The following CASP9 variants were observed in gnomAD, a reference collection of about 807,000 sequenced individuals.
The protein encoded by CASP9 is caspase 9.
Under a neutral mutation model 43.5 loss-of-function variants are expected in CASP9, and 29 were observed. That is an observed-to-expected ratio of 0.67 (90% CI 0.50 to 0.91). The LOEUF (loss-of-function observed/expected upper bound fraction) is 0.91, where lower values mean the gene tolerates loss of function less well. Ranked by LOEUF, CASP9 falls within the 40% of genes least tolerant of loss-of-function variation. The pLI, the probability that CASP9 is intolerant of heterozygous loss-of-function variation, is 0.00. For synonymous variants in CASP9, 206 were observed against 211.9 expected (o/e 0.97, Z 0.24); for missense variants, 575 against 537.4 (o/e 1.07, Z -0.69).
In CASP9 at chr1:15,506,942, G is replaced by A. The variant is rs138984138; in HGVS notation, c.587C>T (p.Ser196Leu). ...DCEKLRRRFS[S>L]LHFMVEVKGD... Reference sequence around the variant, plus strand: ...CTTCACCTCCACCATGAAATGCAGCGAGGAGAAGCGACGCCGCAACTTCTC... The same window carrying A: ...CTTCACCTCCACCATGAAATGCAGCAAGGAGAAGCGACGCCGCAACTTCTC... The change falls in exon 4 of 9, where the codon TCG becomes TTG. Residue 196 changes from serine (S) to leucine (L), a missense_variant. Coordinates refer to ENST00000333868, the MANE Select transcript of CASP9 (RefSeq NM_001229.5). The A allele has an allele frequency of 8.1e-6, 13 of 1,614,090 alleles. No homozygotes were observed. The highest frequency in any genetic ancestry group is 2.7e-5 in the African/African-American group (2 of 75,036).
intron 2 of CASP9, among the ~76,000 whole-genome samples, chr1:15,513,212 G>A (rs1709829738): frequency 6.6e-6 from 1 of 150,692 alleles, no homozygotes; most frequent in South Asian, 2.1e-4. Context: ...CTGTGTATAT[G>A]TGCCATTAAT....
chr1:15,493,685 CTT>C, intron 8 of CASP9: 1 of 1,456,938 alleles, frequency 6.9e-7, no homozygotes, highest in Non-Finnish European at 9.0e-7. Context: ...GAAGGCAACT[CTT>C]TGAATAAAGG....
chr1:15,517,134 T>C (rs1709981589), intron 2 of CASP9, among the ~76,000 whole-genome samples: 1 of 152,024 alleles, frequency 6.6e-6, no homozygotes, highest in African/African-American at 2.4e-5. Flanking sequence ...GTGCTAGAGC[T>C]CCACACGCTG....
chr1:15,507,841 G>A (rs373752317), intron 3 of CASP9, 32 bp downstream of exon 3: 33 of 1,611,372 alleles, frequency 2.0e-5, no homozygotes, highest in Non-Finnish European at 2.5e-5. Context: ...CCCAGAGCCC[G>A]AGCTACTGGC....
chr1:15,497,574 C>A (rs551885237), intron 6 of CASP9, among the ~76,000 whole-genome samples: 344 of 150,664 alleles, frequency 2.3e-3, no homozygotes, highest in African/African-American at 7.9e-3. Flanking sequence ...ACCAGGGAGT[C>A]AGAGGTTGCA....
rs746732970 is a variant in CASP9 at position 15,492,976 on chromosome 1, G to A, written c.1218C>T (p.Phe406=). The A allele has an allele frequency of 6.8e-6, 11 of 1,613,916 alleles. No homozygotes were observed. The highest frequency in any genetic ancestry group is 4.2e-6 in the Non-Finnish European group (5 of 1,180,040). Residue 406 remains phenylalanine, a synonymous_variant, in exon 9 of 9, where the codon TTC becomes TTT. Coordinates refer to ENST00000333868, the MANE Select transcript of CASP9 (RefSeq NM_001229.5). ...IYKQMPGCFN[F]LRKKLFFKTS is the part of the protein sequence containing the mutation. The stretch of plus-strand genomic sequence containing the variant: ...TTTTAAAGAAAAGTTTTTTCCGGAG[G>A]AAATTAAAGCAACCAGGCATCTGTT...
chr1:15,513,258 G>A (rs527382000), intron 2 of CASP9, among the ~76,000 whole-genome samples: 69 of 151,728 alleles, frequency 4.5e-4, no homozygotes, highest in Middle Eastern at 6.9e-3. Flanking sequence ...AGTACCTGCT[G>A]AGTTCTAGGT....
chr1:15,500,507 A>T (rs1709283545), intron 6 of CASP9, among the ~76,000 whole-genome samples: 1 of 152,112 alleles, frequency 6.6e-6, no homozygotes, highest in Non-Finnish European at 1.5e-5. Flanking sequence ...GGTCATTGGC[A>T]TTCTCCCAGC....
chr1:15,500,295 T>G (rs992202234), intron 6 of CASP9, among the ~76,000 whole-genome samples: 1 of 152,142 alleles, frequency 6.6e-6, no homozygotes, highest in African/African-American at 2.4e-5. Flanking sequence ...AGAACGGTCC[T>G]GGTGAGAGAG....
At chr1:15,524,349 C>A, upstream of CASP9, 2 of 1,412,430 alleles carry the variant, frequency 1.4e-6, no homozygotes, top group Non-Finnish European at 9.1e-7. Context: ...CCTCCGGACG[C>A]ATCTCCAAGG....
At chr1:15,520,729 AGAT>A (rs892316989) in intron 1 of CASP9, among the ~76,000 whole-genome samples, 1 of 152,234 alleles carries the variant, frequency 6.6e-6, no homozygotes, top group Non-Finnish European at 1.5e-5. Flanking sequence ...CAAGGCAGGC[AGAT>A]CACAAGGTTA....
chr1:15,515,568 AG>A (rs1295014405), intron 2 of CASP9, among the ~76,000 whole-genome samples: 2 of 152,256 alleles, frequency 1.3e-5, no homozygotes, highest in Non-Finnish European at 2.9e-5. Flanking sequence ...TATTCAGAAC[AG>A]GAACTGCTGC....
intron 7 of CASP9, 84 bp downstream of exon 7, chr1:15,495,189 G>A (rs533516965): frequency 1.7e-5 from 22 of 1,276,426 alleles, no homozygotes; most frequent in Middle Eastern, 2.0e-4. Flanking sequence ...TCATACCCTG[G>A]TCTTTTCTCT....
intron 6 of CASP9, 103 bp from the exon 7 acceptor site, chr1:15,495,555 G>T: frequency 9.5e-7 from 1 of 1,052,838 alleles, no homozygotes; most frequent in Non-Finnish European, 1.3e-6. Flanking sequence ...CAGTGTGAAA[G>T]GAAAATAAAT....
At chr1:15,494,862 C>CAAAAAAAAAAA (rs563954013) in intron 7 of CASP9, among the ~76,000 whole-genome samples, 3 of 44,298 alleles carry the variant, frequency 6.8e-5, no homozygotes, top group African/African-American at 2.2e-4. Context: ...GATTCCATCT[C>CAAAAAAAAAAA]AAAAAAAAAA....
intron 2 of CASP9, among the ~76,000 whole-genome samples, chr1:15,509,447 T>C (rs1428921254): frequency 7.2e-6 from 1 of 138,170 alleles, no homozygotes; most frequent in Non-Finnish European, 1.5e-5. Context: ...AAACCCCATC[T>C]GTACTAAAAA....
chr1:15,524,476 GC>G, upstream of CASP9: 5 of 841,092 alleles, frequency 5.9e-6, no homozygotes, highest in Non-Finnish European at 7.2e-6. Flanking sequence ...CCCAGAACAC[GC>G]TCCGCGTCAC....
rs569452415 is a variant in CASP9 at position 15,507,104 on chromosome 1, G to A, written c.454-29C>T. ...CCAGCACAGGGACCCACGTAAACCC[G>A]GGCTCTCCCCACGCTCCCTAGAGGA... On this transcript the variant is annotated intron_variant, in intron 3 of 8. Transcript: ENST00000333868. 47 of 1,612,272 alleles carry A rather than the reference G, an allele frequency of 2.9e-5. No individual in the cohort carries two copies. The East Asian group carries it at 4.0e-4, about 14-fold the overall frequency.
intron 8 of CASP9, 73 bp from the exon 9 acceptor site, chr1:15,493,108 G>C: frequency 6.3e-7 from 1 of 1,599,060 alleles, no homozygotes; most frequent in South Asian, 1.1e-5. Context: ...AGAGGGGCTG[G>C]GGGGAATGTC....
Sources: allele counts gnomAD v4.1 joint callset (sites outside exome capture counted in the v4.1 genomes callset), GRCh38; gene constraint gnomAD v4.1.1; transcripts MANE v1.5; gene names NCBI Gene and HGNC (gene_info 2026-07-23, HGNC 2026-07-21).